Variants in ZNF37A observed in about 807,000 individuals in gnomAD.
The protein encoded by ZNF37A is zinc finger protein 37A.
A neutral mutation model predicts 12.3 loss-of-function variants in ZNF37A; 10 were observed. The ratio of observed to expected loss-of-function variants is 0.82; its 90% CI spans 0.50 to 1.38. The LOEUF (loss-of-function observed/expected upper bound fraction) is 1.38, where lower values mean the gene tolerates loss of function less well. Ranked by LOEUF, ZNF37A falls within the 40% of genes most tolerant of loss-of-function variation. ZNF37A has a pLI of 0.00. For synonymous variants in ZNF37A, 207 were observed against 223.0 expected, an observed-to-expected ratio of 0.93 and a Z score of 0.64; for missense variants, 580 against 651.2, an observed-to-expected ratio of 0.89 and a Z score of 1.19.
intron 4 of ZNF37A, among the ~76,000 whole-genome samples, chr10:38,096,030 CA>C (rs1431326076): frequency 6.6e-6 from 1 of 151,928 alleles, no homozygotes; most frequent in Non-Finnish European, 1.5e-5. Context: ...ACTAAAAATG[CA>C]AAAAATTAGC....
intron 2 of ZNF37A, 82 bp from the exon 3 acceptor site, chr10:38,095,456 G>A (rs2067075200): frequency 2.0e-5 from 3 of 152,338 alleles, no homozygotes; most frequent in Admixed American, 2.0e-4. Flanking sequence ...GAGTTGTGAA[G>A]GCATCATGCG....
chr10:38,125,668 T>A (rs2069914152), downstream of ZNF37A: 1 of 152,212 alleles, frequency 6.6e-6, no homozygotes, highest in African/African-American at 2.4e-5. Context: ...GGGCCAAATT[T>A]CTGATCTTGA....
intron 7 of ZNF37A, chr10:38,140,537 T>C (rs1364242732): frequency 1.3e-5 from 2 of 152,194 alleles, no homozygotes; most frequent in Non-Finnish European, 2.9e-5. Flanking sequence ...CAGATAGATA[T>C]GTAGATAAGA....
At chr10:38,130,085 T>C (rs188178028), downstream of ZNF37A, among the ~76,000 whole-genome samples, 2 of 152,358 alleles carry the variant, frequency 1.3e-5, no homozygotes, top group East Asian at 3.9e-4. Context: ...TCTGTCCTTA[T>C]GGATTTCCCT....
At chr10:38,110,189 G>A (rs181969175) in intron 5 of ZNF37A, among the ~76,000 whole-genome samples, 25 of 151,904 alleles carry the variant, frequency 1.6e-4, no homozygotes, top group South Asian at 1.0e-3. Flanking sequence ...AGTACCACAC[G>A]TCTACAACCA....
intron 7 of ZNF37A, among the ~76,000 whole-genome samples, chr10:38,131,427 G>C (rs2070025552): frequency 6.6e-6 from 1 of 152,054 alleles, no homozygotes; most frequent in Non-Finnish European, 1.5e-5. Context: ...AGTTTTCCCG[G>C]CACTGTTTTT....
intron 7 of ZNF37A, chr10:38,146,713 C>T (rs2070259505): frequency 5.0e-6 from 2 of 398,262 alleles, no homozygotes; most frequent in African/African-American, 2.1e-5. Context: ...CACAGAGGGT[C>T]AACTTTTCCT....
Position 38,114,774 on chromosome 10 carries a change from A to T in ZNF37A, c.35A>T (p.Asp12Val). 3 of 1,613,974 alleles carry T rather than the reference A, an allele frequency of 1.9e-6. No individual in the cohort carries two copies. Among genetic ancestry groups the T allele is most frequent in the Non-Finnish European group, 2.5e-6 (3 of 1,179,980 alleles). ...ITSQGSVSFR[D>V]VTVGFTQEEW... ...TTCCAGGGATCAGTGTCGTTTAGGG[A>T]TGTGACTGTGGGCTTCACTCAAGAG... Residue 12 changes from aspartate to valine, a missense_variant, in exon 6 of 8, where the codon GAT becomes GTT. Physicochemically the swap from Asp to Val is radical, Grantham distance 152 (BLOSUM62 -3). Coordinates refer to ENST00000685332, the MANE Select transcript of ZNF37A (RefSeq NM_001324250.3).
At chr10:38,113,388 T>G (rs1407933029) in intron 5 of ZNF37A, among the ~76,000 whole-genome samples, 1 of 151,896 alleles carries the variant, frequency 6.6e-6, no homozygotes, top group Non-Finnish European at 1.5e-5. Flanking sequence ...ATTCTTTGTC[T>G]TTTTAGTAAA....
rs79846277 is a variant in ZNF37A, at chr10:38,137,350, G to T, written c.239-9382G>T. On this transcript the variant is annotated intron_variant, in intron 7 of 7. Transcript: ENST00000638053. ...GATCAGCCTGAGGTAAAAACTTAAG[G>T]TCTTATTCAGGTCATTACTGGGCCT... 68 of 152,218 alleles carry T rather than the reference G, an allele frequency of 4.5e-4. No individual in the cohort carries two copies. In the East Asian group the frequency reaches 0.013, roughly 29 times the overall value. 9.4% of individuals were successfully genotyped at this position (152,218 alleles called of 1,614,324 possible).
chr10:38,135,445 C>T (rs78094178), intron 7 of ZNF37A, among the ~76,000 whole-genome samples: 6,446 of 152,314 alleles, frequency 0.042, 192 homozygotes, highest in Non-Finnish European at 0.06. Context: ...GTTAATGCTA[C>T]AGACTGCATC....
intron 5 of ZNF37A, among the ~76,000 whole-genome samples, chr10:38,106,825 G>A (rs752845911): frequency 1.3e-5 from 2 of 151,948 alleles, no homozygotes; most frequent in Non-Finnish European, 1.5e-5. Context: ...GAAAAGGAAC[G>A]AACAAAGCCT....
intron 5 of ZNF37A, among the ~76,000 whole-genome samples, chr10:38,113,856 C>T (rs1187790574): frequency 6.6e-6 from 1 of 152,136 alleles, no homozygotes; most frequent in African/African-American, 2.4e-5. Context: ...CATCAATGAC[C>T]TGGGATGGGT....
At chr10:38,125,926 A>G (rs894387759), downstream of ZNF37A, among the ~76,000 whole-genome samples, 1 of 152,196 alleles carries the variant, frequency 6.6e-6, no homozygotes, top group African/African-American at 2.4e-5. Context: ...AGCAGAAGGC[A>G]AAACAGGAGC....
chr10:38,111,097 T>C (rs1282030207), intron 5 of ZNF37A, among the ~76,000 whole-genome samples: 1 of 152,104 alleles, frequency 6.6e-6, no homozygotes, highest in South Asian at 2.1e-4. Context: ...TGCCCATCAG[T>C]AATAGACTGG....
downstream of ZNF37A, among the ~76,000 whole-genome samples, chr10:38,129,319 A>AAAAAAAAAAAAT: frequency 3.4e-5 from 4 of 116,228 alleles, no homozygotes; most frequent in African/African-American, 1.5e-4. Flanking sequence ...AAAAAAAAAA[A>AAAAAAAAAAAAT]AAACTATTAT....
intron 7 of ZNF37A, 169 bp downstream of exon 7, chr10:38,115,459 G>C: frequency 3.6e-6 from 3 of 844,574 alleles, no homozygotes; most frequent in Non-Finnish European, 5.2e-6. Flanking sequence ...GAATCACCCA[G>C]CATCTCCCAG....
At chr10:38,145,361 G>C (rs902220958) in intron 7 of ZNF37A, among the ~76,000 whole-genome samples, 2 of 152,124 alleles carry the variant, frequency 1.3e-5, no homozygotes, top group African/African-American at 2.4e-5. Flanking sequence ...AGGGTGTCTA[G>C]CTCACTGTAC....
At chr10:38,139,929 C>T (rs2070158934) in intron 7 of ZNF37A, 1 of 152,158 alleles carries the variant, frequency 6.6e-6, no homozygotes, top group Non-Finnish European at 1.5e-5. Context: ...TCTCCTCTGG[C>T]ACATGTATTC....
Sources: allele counts gnomAD v4.1 joint callset (sites outside exome capture counted in the v4.1 genomes callset), GRCh38; gene constraint gnomAD v4.1.1; transcripts MANE v1.5; gene names NCBI Gene and HGNC (gene_info 2026-07-23, HGNC 2026-07-21).